ANO5: variants seen among roughly 807,000 people sequenced by gnomAD.
ANO5 encodes the protein anoctamin-5.
In ANO5, 109 loss-of-function variants were observed where a neutral mutation model predicts 121.0. That is an observed-to-expected ratio of 0.90 (90% confidence interval 0.77 to 1.06). The LOEUF is 1.06. ANO5 is among the 50% of genes least tolerant of loss of function. ANO5 has a pLI of 0.00. For missense variants in ANO5, 1,064 were observed against 1,078.5 expected, an observed-to-expected ratio of 0.99 and a Z score of 0.19; for synonymous variants, 406 against 359.9, an observed-to-expected ratio of 1.13 and a Z score of -1.45.
chr11:22,214,156 C>T (rs1852368760), intron 3 of ANO5, among the ~76,000 whole-genome samples: 1 of 151,976 alleles, frequency 6.6e-6, no homozygotes, highest in Admixed American at 6.6e-5. Context: ...CCTCCCTTCT[C>T]AGCTTCCTGA....
intron 1 of ANO5, among the ~76,000 whole-genome samples, chr11:22,194,595 T>C (rs1851751867): frequency 6.6e-6 from 1 of 152,200 alleles, no homozygotes; most frequent in Non-Finnish European, 1.5e-5. Flanking sequence ...TCTTAGGCAG[T>C]CACTTCCCAT....
chr11:22,268,342 T>C (rs1395162237), intron 17 of ANO5, among the ~76,000 whole-genome samples: 1 of 152,146 alleles, frequency 6.6e-6, no homozygotes, highest in Non-Finnish European at 1.5e-5. Flanking sequence ...TGAATTCTAA[T>C]AAATATTTTA....
rs1371210536 is a variant in ANO5, at chr11:22,279,609, GGAGAGAATCAA to G, written c.2594_2604del (p.Ile865LysfsTer10). On this transcript the variant is annotated frameshift_variant, in exon 22 of 22. Coordinates refer to ENST00000324559, the MANE Select transcript of ANO5 (RefSeq NM_213599.3). LOFTEE classifies it low-confidence loss of function (END_TRUNC). Reference sequence around the variant, plus strand: ...TACCTGATGTTCCAAAAGATGTTGTGGAGAGAATCAAGAGAGAAAAGTTAATGACTATCAAG... The same window carrying G: ...TACCTGATGTTCCAAAAGATGTTGTGGAGAGAAAAGTTAATGACTATCAAG... 2 of 1,612,954 alleles carry G rather than the reference GGAGAGAATCAA, an allele frequency of 1.2e-6. No homozygotes were observed. The highest frequency in any genetic ancestry group is 1.3e-5 in the African/African-American group (1 of 75,000).
At chr11:22,266,338 G>C (rs1854365408) in intron 17 of ANO5, among the ~76,000 whole-genome samples, 1 of 151,994 alleles carries the variant, frequency 6.6e-6, no homozygotes, top group Non-Finnish European at 1.5e-5. Context: ...GAAATCACAG[G>C]TGCTTTTTCC....
At chr11:22,276,298 A>G in intron 21 of ANO5, 99 bp downstream of exon 21, 1 of 962,140 alleles carries the variant, frequency 1.0e-6, no homozygotes, top group Non-Finnish European at 1.7e-6. Context: ...ATATCTCAGT[A>G]AACTGTCTTG....
At chr11:22,272,302 GCACACACACACACA>G (rs60487083) in intron 18 of ANO5, among the ~76,000 whole-genome samples, 68 of 134,568 alleles carry the variant, frequency 5.1e-4, no homozygotes, top group African/African-American at 1.2e-3. Flanking sequence ...TCCTTTTCCG[GCACACACACACACA>G]CACACACACA....
intron 1 of ANO5, among the ~76,000 whole-genome samples, chr11:22,201,616 C>A (rs1339142174): frequency 6.6e-6 from 1 of 152,064 alleles, no homozygotes; most frequent in East Asian, 1.9e-4. Context: ...GTTCTGGAAG[C>A]TGGGAAGTCC....
rs1310321814 is a variant in ANO5, at chr11:22,282,805, T to C, written c.*3040T>C. The C allele has an allele frequency of 6.6e-6, 1 of 152,084 alleles. No individual in the cohort carries two copies. The highest frequency in any genetic ancestry group is 2.4e-5 in the African/African-American group (1 of 41,414). The allele number at this position is 152,084 out of a possible 1,614,324, so 9.4% of individuals were successfully genotyped here. On this transcript the variant is annotated 3_prime_UTR_variant, in exon 22 of 22. Transcript: ENST00000324559. ...ATTGACTCCAGTTGAAGGTGAGAAA[T>C]CTGTACCAATCATTCAAAAAGGGAA...
chr11:22,208,876 A>C (rs1418592456), intron 2 of ANO5, among the ~76,000 whole-genome samples: 1 of 151,884 alleles, frequency 6.6e-6, no homozygotes, highest in East Asian at 1.9e-4. Context: ...ATTTTTTCTG[A>C]CACTCAAATG....
At chr11:22,227,016 C>T (rs1164915276) in intron 6 of ANO5, among the ~76,000 whole-genome samples, 1 of 152,042 alleles carries the variant, frequency 6.6e-6, no homozygotes, top group Non-Finnish European at 1.5e-5. Flanking sequence ...TATACATTGA[C>T]CATGAAATAT....
At chr11:22,267,844 A>G (rs1223179312) in intron 17 of ANO5, among the ~76,000 whole-genome samples, 2 of 151,926 alleles carry the variant, frequency 1.3e-5, no homozygotes, top group Non-Finnish European at 2.9e-5. Flanking sequence ...TTTAGCTCCC[A>G]CTTATAAGTG....
At chr11:22,277,719 A>G (rs1286476032) in intron 21 of ANO5, 1 of 151,504 alleles carries the variant, frequency 6.6e-6, no homozygotes, top group Non-Finnish European at 1.5e-5. Flanking sequence ...CAGCCAGTAA[A>G]TTACTTCCGG....
Position 22,251,475 on chromosome 11 carries a change from A to C in ANO5, c.1180+464A>C, listed in dbSNP as rs1853814272. Reference sequence around the variant, plus strand: ...CTCATTCATTAAAAATCCTTCATATAGAATGGAATTTCCCTTAACTTTGAA... The same window carrying C: ...CTCATTCATTAAAAATCCTTCATATCGAATGGAATTTCCCTTAACTTTGAA... On this transcript the variant is annotated intron_variant, in intron 12 of 21. Transcript: ENST00000324559. Among the ~76,000 whole-genome samples, 5 of 152,200 alleles carry C rather than the reference A, an allele frequency of 3.3e-5. No individual in the cohort carries two copies. In the South Asian group the frequency reaches 1.0e-3, roughly 32 times the overall value.
intron 20 of ANO5, among the ~76,000 whole-genome samples, chr11:22,275,157 G>C (rs73483426): frequency 0.052 from 7,840 of 151,948 alleles, 684 homozygotes; most frequent in African/African-American, 0.18. Context: ...AGAAAAGAGA[G>C]TGAGACAGTG....
chr11:22,193,115 T>C lies in ANO5; in HGVS notation c.-378T>C. On this transcript the variant is annotated 5_prime_UTR_variant, in exon 1 of 22. Transcript: ENST00000324559. The stretch of plus-strand genomic sequence containing the variant: ...GGATCCTGGCGAGCACCGGGAGGAG[T>C]GGCGGCTGCGGGATCAGCTGCCGAG... 2 of 1,064,944 alleles carry C rather than the reference T, an allele frequency of 1.9e-6. No individual in the cohort carries two copies. Among genetic ancestry groups the C allele is most frequent in the Non-Finnish European group, 2.3e-6 (2 of 878,140 alleles). 66.0% of individuals were successfully genotyped at this position (1,064,944 alleles called of 1,614,324 possible). A position where few individuals can be genotyped will look rare whatever the true frequency, so the allele number is the denominator to read the frequency against.
chr11:22,210,992 T>A (rs2133550406), intron 2 of ANO5, among the ~76,000 whole-genome samples: 1 of 151,986 alleles, frequency 6.6e-6, no homozygotes, highest in South Asian at 2.1e-4. Flanking sequence ...ACCTCCCAAA[T>A]ACTAATTCTC....
Position 22,221,122 on chromosome 11 carries a change from A to T in ANO5, c.206A>T (p.Asp69Val). The part of the protein sequence containing the change: ...LMFQKNQQSK[D>V]SIFFRDGIRQ... Reference sequence around the variant, plus strand: ...TTTCAAAAAAATCAGCAAAGCAAAGATTCTATCTTCTTCCGAGATGGGATT... The same window carrying T: ...TTTCAAAAAAATCAGCAAAGCAAAGTTTCTATCTTCTTCCGAGATGGGATT... Residue 69 changes from aspartate (D) to valine (V), a missense_variant, in exon 5 of 22, where the codon GAT becomes GTT. Physicochemically the swap from Asp to Val is radical, Grantham distance 152 (BLOSUM62 -3). Transcript: ENST00000324559. The T allele has an allele frequency of 1.2e-6, 2 of 1,611,714 alleles. No individual in the cohort carries two copies. The highest frequency in any genetic ancestry group is 1.7e-6 in the Non-Finnish European group (2 of 1,178,532).
rs755393828 is a variant in ANO5 at position 22,262,439 on chromosome 11, C to T, written c.1800+141C>T. On this transcript the variant is annotated intron_variant, in intron 16 of 21. Coordinates refer to ENST00000324559, the MANE Select transcript of ANO5 (RefSeq NM_213599.3). Reference sequence around the variant, plus strand: ...GACTCTATCCACAGAGAGTATTGTTCACAGATGAATCCTGTCATTTGATAA... The same window carrying T: ...GACTCTATCCACAGAGAGTATTGTTTACAGATGAATCCTGTCATTTGATAA... The T allele has an allele frequency of 1.6e-5, 14 of 870,598 alleles. No individual in the cohort carries two copies. In the Middle Eastern group the frequency reaches 1.0e-3, roughly 64 times the overall value. The allele number at this position is 870,598 out of a possible 1,614,324, so 53.9% of individuals were successfully genotyped here. A position where few individuals can be genotyped will look rare whatever the true frequency, so the allele number is the denominator to read the frequency against.
intron 2 of ANO5, among the ~76,000 whole-genome samples, chr11:22,206,802 T>TA (rs1332061128): frequency 6.6e-6 from 1 of 152,080 alleles, no homozygotes; most frequent in Non-Finnish European, 1.5e-5. Flanking sequence ...ACACAACACT[T>TA]ACACTAACAG....
Sources: gnomAD v4.1 joint callset for allele counts (sites outside exome capture counted in the v4.1 genomes callset) on GRCh38, gnomAD v4.1.1 for gene constraint, MANE v1.5 for transcripts, NCBI Gene and HGNC (gene_info 2026-07-23, HGNC 2026-07-21) for gene names.